Variants in PCLO observed in about 807,000 individuals in gnomAD.
The protein encoded by PCLO is protein piccolo.
A neutral mutation model predicts 427.5 loss-of-function variants in PCLO; 82 were observed. The ratio of observed to expected loss-of-function variants is 0.19; its 90% CI spans 0.16 to 0.23. The LOEUF (loss-of-function observed/expected upper bound fraction) is 0.23. Ranked by LOEUF, PCLO falls within the 10% of genes least tolerant of loss-of-function variation. The pLI is 1.00. For missense variants in PCLO, 6,239 were observed against 6,115.9 expected, an observed-to-expected ratio of 1.02 and a Z score of -0.67; for synonymous variants, 2,357 against 2,155.4, an observed-to-expected ratio of 1.09 and a Z score of -2.59.
intron 3 of PCLO, among the ~76,000 whole-genome samples, chr7:82,980,682 G>T (rs772039145): frequency 6.6e-6 from 1 of 152,120 alleles, no homozygotes; most frequent in African/African-American, 2.4e-5. Flanking sequence ...TTACCCTGAA[G>T]GAATGACAGA....
At chr7:82,819,571 A>G (rs1342282669) in intron 20 of PCLO, among the ~76,000 whole-genome samples, 2 of 152,194 alleles carry the variant, frequency 1.3e-5, no homozygotes, top group Non-Finnish European at 2.9e-5. Flanking sequence ...TGAAAGTTTT[A>G]GTAAGGCTAA....
intron 3 of PCLO, among the ~76,000 whole-genome samples, chr7:83,105,943 G>GGTTTGTTT (rs138222637): frequency 6.6e-6 from 1 of 151,468 alleles, no homozygotes; most frequent in African/African-American, 2.4e-5. Context: ...GGGCAAGAAA[G>GGTTTGTTT]GTTTGTTTGT....
chr7:82,961,036 C>A (rs1795645334), intron 4 of PCLO, among the ~76,000 whole-genome samples: 1 of 152,034 alleles, frequency 6.6e-6, no homozygotes, highest in Non-Finnish European at 1.5e-5. Flanking sequence ...ATTCAGTTCC[C>A]CCATCTTTAC....
chr7:82,978,494 C>T (rs913446097), intron 3 of PCLO, among the ~76,000 whole-genome samples: 7 of 151,930 alleles, frequency 4.6e-5, no homozygotes, highest in African/African-American at 9.7e-5. Context: ...AATTATTACA[C>T]AATTTCTATG....
At chr7:82,902,595 A>C in intron 9 of PCLO, 56 bp downstream of exon 9, 1 of 993,116 alleles carries the variant, frequency 1.0e-6, no homozygotes, top group Non-Finnish European at 1.5e-6. Context: ...AATGCAAAAC[A>C]AAACAAAACA....
intron 3 of PCLO, among the ~76,000 whole-genome samples, chr7:83,022,430 G>C (rs1788367892): frequency 6.6e-6 from 1 of 152,108 alleles, no homozygotes; most frequent in African/African-American, 2.4e-5. Context: ...AAGGTAGCTG[G>C]AAAATGATGG....
chr7:82,775,919 G>A (rs1303064911), intron 22 of PCLO, among the ~76,000 whole-genome samples: 1 of 152,160 alleles, frequency 6.6e-6, no homozygotes, highest in South Asian at 2.1e-4. Context: ...GCATGTGGAG[G>A]TCCAATTGTT....
intron 3 of PCLO, among the ~76,000 whole-genome samples, chr7:83,081,853 AT>A (rs1790108977): frequency 6.6e-6 from 1 of 151,796 alleles, no homozygotes; most frequent in Admixed American, 6.6e-5. Context: ...AAAAGAAGTT[AT>A]TTTTTGATAC....
intron 3 of PCLO, among the ~76,000 whole-genome samples, chr7:83,057,725 T>G (rs1789438532): frequency 6.6e-6 from 1 of 152,130 alleles, no homozygotes; most frequent in African/African-American, 2.4e-5. Context: ...ATCTATATAC[T>G]TTACTTGAAA....
chr7:82,976,033 A>G (rs780503200), intron 3 of PCLO, among the ~76,000 whole-genome samples: 1 of 152,200 alleles, frequency 6.6e-6, no homozygotes. Context: ...ACTGTCTAAT[A>G]CAGTTTATCA....
intron 22 of PCLO, among the ~76,000 whole-genome samples, chr7:82,762,289 T>G (rs184842428): frequency 1.6e-3 from 241 of 152,172 alleles, no homozygotes; most frequent in Non-Finnish European, 2.5e-3. Context: ...TGAGAGTTAA[T>G]TAGGTGAGAC....
At chr7:82,988,151 A>C (rs1796295929) in intron 3 of PCLO, among the ~76,000 whole-genome samples, 1 of 152,164 alleles carries the variant, frequency 6.6e-6, no homozygotes, top group African/African-American at 2.4e-5. Context: ...AGTAGATGGG[A>C]CTACAGGCAT....
intron 3 of PCLO, among the ~76,000 whole-genome samples, chr7:83,131,487 T>C (rs34340061): frequency 0.24 from 36,935 of 151,796 alleles, 4,714 homozygotes; most frequent in South Asian, 0.43. Context: ...AGAAACAGAA[T>C]AGCCAAAGGG....
chr7:82,866,751 C>T (rs1793104914), intron 10 of PCLO, among the ~76,000 whole-genome samples: 1 of 151,650 alleles, frequency 6.6e-6, no homozygotes, highest in Non-Finnish European at 1.5e-5. Flanking sequence ...TTCTTGTAGG[C>T]TATTGTTTCC....
chr7:82,793,047 C>T (rs758253298), intron 22 of PCLO, among the ~76,000 whole-genome samples: 3 of 151,192 alleles, frequency 2.0e-5, no homozygotes, highest in Non-Finnish European at 4.4e-5. Context: ...GCGTACCTAT[C>T]TCTAACTGTT....
At chr7:82,761,577 T>C in intron 22 of PCLO, 84 bp from the exon 23 acceptor site, 1 of 967,976 alleles carries the variant, frequency 1.0e-6, no homozygotes, top group Non-Finnish European at 1.6e-6. Context: ...ATACATTCAT[T>C]TACTCTTTAT....
At chr7:82,895,965 G>A (rs911485665) in intron 9 of PCLO, among the ~76,000 whole-genome samples, 29 of 151,782 alleles carry the variant, frequency 1.9e-4, no homozygotes, top group Non-Finnish European at 3.4e-4. Flanking sequence ...TACATGGTCA[G>A]TATTATGAGA....
intron 4 of PCLO, among the ~76,000 whole-genome samples, chr7:82,957,969 TAC>T (rs1795566898): frequency 6.6e-6 from 1 of 152,162 alleles, no homozygotes; most frequent in Admixed American, 6.5e-5. Context: ...AAACATTAAA[TAC>T]AGAGACTTGT....
chr7:83,008,387 A>C (rs1250887928), intron 3 of PCLO, among the ~76,000 whole-genome samples: 1 of 151,748 alleles, frequency 6.6e-6, no homozygotes, highest in Non-Finnish European at 1.5e-5. Flanking sequence ...GGGAGTAGGA[A>C]TCTAATCTTT....
Sources: gnomAD v4.1 joint callset for allele counts (sites outside exome capture counted in the v4.1 genomes callset) on GRCh38, gnomAD v4.1.1 for gene constraint, MANE v1.5 for transcripts, NCBI Gene and HGNC (gene_info 2026-07-23, HGNC 2026-07-21) for gene names.